The following GLIS3 variants were observed in gnomAD, a reference collection of about 807,000 sequenced individuals.
GLIS3 encodes GLIS family zinc finger 3.
GLIS3 carries 53 observed loss-of-function variants against 78.6 expected under a neutral mutation model. The ratio of observed to expected loss-of-function variants is 0.67; its 90% CI spans 0.54 to 0.85. The LOEUF (loss-of-function observed/expected upper bound fraction) is 0.85. Ranked by LOEUF, GLIS3 falls within the 40% of genes least tolerant of loss-of-function variation. GLIS3 has a pLI of 0.00. For synonymous variants in GLIS3, 684 were observed against 509.9 expected, an observed-to-expected ratio of 1.34 and a Z score of -4.60; for missense variants, 1,703 against 1,231.1, an observed-to-expected ratio of 1.38 and a Z score of -5.74.
chr9:3,853,136 T>C (rs1214044446), intron 9 of GLIS3, among the ~76,000 whole-genome samples: 1 of 152,134 alleles, frequency 6.6e-6, no homozygotes, highest in Non-Finnish European at 1.5e-5. Context: ...ACCCAGGAAT[T>C]TGAGGCTGCA....
chr9:4,444,103 G>T, the GLIS3 span, among the ~76,000 whole-genome samples: 7 of 152,196 alleles, frequency 4.6e-5, no homozygotes, highest in Non-Finnish European at 8.8e-5. Flanking sequence ...CTGGTGGTCA[G>T]TCATAGAAAT....
the GLIS3 span, among the ~76,000 whole-genome samples, chr9:4,465,576 A>G: frequency 6.6e-6 from 1 of 152,168 alleles, no homozygotes; most frequent in Non-Finnish European, 1.5e-5. Flanking sequence ...AAAAGATAAT[A>G]AATAATAATT....
chr9:4,119,888 A>T (rs1464896718), intron 3 of GLIS3, among the ~76,000 whole-genome samples: 1 of 152,218 alleles, frequency 6.6e-6, no homozygotes, highest in Non-Finnish European at 1.5e-5. Flanking sequence ...TCTTTTGGCT[A>T]ACTTTAAGTG....
At chr9:4,399,159 T>C in the GLIS3 span, among the ~76,000 whole-genome samples, 3,681 of 152,300 alleles carry the variant, frequency 0.024, 141 homozygotes, top group African/African-American at 0.083. Context: ...AAGGAGGATA[T>C]TGACTGCTGC....
the GLIS3 span, among the ~76,000 whole-genome samples, chr9:4,393,135 A>G: frequency 6.6e-6 from 1 of 152,166 alleles, no homozygotes; most frequent in East Asian, 1.9e-4. Flanking sequence ...ATAATAGTAT[A>G]AGGAACTCTG....
the GLIS3 span, among the ~76,000 whole-genome samples, chr9:4,398,638 A>G: frequency 7.5e-4 from 114 of 152,032 alleles, no homozygotes; most frequent in South Asian, 0.022. Context: ...CCTGGCCCCA[A>G]TCACTATCAT....
intron 2 of GLIS3, among the ~76,000 whole-genome samples, chr9:4,329,503 C>A (rs1817652036): frequency 6.6e-6 from 1 of 152,082 alleles, no homozygotes; most frequent in African/African-American, 2.4e-5. Flanking sequence ...ATAATAAGAC[C>A]ACCATAACCC....
At chr9:3,976,149 C>A (rs1297831283) in intron 4 of GLIS3, among the ~76,000 whole-genome samples, 1 of 152,098 alleles carries the variant, frequency 6.6e-6, no homozygotes, top group Admixed American at 6.6e-5. Context: ...CAAATGCAAT[C>A]CTGCCCCCAT....
chr9:4,383,901 C>G, the GLIS3 span, among the ~76,000 whole-genome samples: 1 of 152,168 alleles, frequency 6.6e-6, no homozygotes, highest in East Asian at 1.9e-4. Context: ...AGAATAAAGG[C>G]CTTTGTTAGC....
chr9:4,246,713 C>G (rs139366229), intron 2 of GLIS3, among the ~76,000 whole-genome samples: 2 of 152,146 alleles, frequency 1.3e-5, no homozygotes, highest in Non-Finnish European at 2.9e-5. Flanking sequence ...CATCCTTTAC[C>G]TCCTATCATT....
At chr9:4,104,722 C>G (rs939113015) in intron 4 of GLIS3, among the ~76,000 whole-genome samples, 1 of 152,170 alleles carries the variant, frequency 6.6e-6, no homozygotes, top group African/African-American at 2.4e-5. Context: ...TTGGCCAACA[C>G]TCCTGCCTTG....
chr9:3,947,845 G>A (rs1816403938), intron 4 of GLIS3, among the ~76,000 whole-genome samples: 1 of 152,210 alleles, frequency 6.6e-6, no homozygotes, highest in Non-Finnish European at 1.5e-5. Context: ...GGGGGAAAGA[G>A]AGTGGCAGAG....
At chr9:4,395,777 C>CTT in the GLIS3 span, among the ~76,000 whole-genome samples, 30 of 127,708 alleles carry the variant, frequency 2.3e-4, no homozygotes, top group African/African-American at 5.1e-4. Context: ...TTCTTTTTTT[C>CTT]TTTTTTTTTT....
At chr9:4,354,126 A>G in the GLIS3 span, among the ~76,000 whole-genome samples, 127 of 151,868 alleles carry the variant, frequency 8.4e-4, 1 homozygote, top group Admixed American at 7.4e-3. Flanking sequence ...GTGAGCCACC[A>G]CGCCCGGCCA....
At chr9:4,278,609 A>G (rs575704542) in intron 2 of GLIS3, among the ~76,000 whole-genome samples, 1 of 152,366 alleles carries the variant, frequency 6.6e-6, no homozygotes, top group South Asian at 2.1e-4. Context: ...TCTCTCTAGA[A>G]GAATACCAGC....
the GLIS3 span, among the ~76,000 whole-genome samples, chr9:4,431,147 A>G: frequency 5.9e-5 from 9 of 152,222 alleles, no homozygotes; most frequent in Admixed American, 4.6e-4. Context: ...CCTTCATGAA[A>G]GTTATTTTGT....
At chr9:4,305,357 G>A (rs1480553652) in intron 4 of GLIS3, 3 of 152,142 alleles carry the variant, frequency 2.0e-5, no homozygotes, top group Non-Finnish European at 2.9e-5. Context: ...CTAAACCACG[G>A]GGAACTTCAG....
intron 9 of GLIS3, among the ~76,000 whole-genome samples, chr9:3,851,439 A>G (rs117239949): frequency 0.043 from 6,616 of 152,316 alleles, 195 homozygotes; most frequent in Middle Eastern, 0.075. Context: ...ATTAAAGGAA[A>G]TTATACCTCA....
At chr9:4,204,090 T>A (rs746196368) in intron 2 of GLIS3, among the ~76,000 whole-genome samples, 12 of 152,120 alleles carry the variant, frequency 7.9e-5, no homozygotes, top group Non-Finnish European at 1.8e-4. Flanking sequence ...CTGAATCTAA[T>A]ATAAAAGTTG....
Sources: gnomAD v4.1 joint callset for allele counts (sites outside exome capture counted in the v4.1 genomes callset) on GRCh38, gnomAD v4.1.1 for gene constraint, MANE v1.5 for transcripts, NCBI Gene and HGNC (gene_info 2026-07-23, HGNC 2026-07-21) for gene names.